Variants in EBF1 observed in about 807,000 individuals in gnomAD.
EBF1 encodes transcription factor COE1.
In EBF1, 10 loss-of-function variants were observed where a neutral mutation model predicts 68.4. The ratio of observed to expected loss-of-function variants is 0.15; its 90% CI spans 0.09 to 0.25. The LOEUF (loss-of-function observed/expected upper bound fraction) is 0.25, where lower values mean the gene tolerates loss of function less well. Among genes scored for constraint, EBF1 ranks in the 10% least tolerant of loss-of-function variants. EBF1 has a pLI of 1.00. For missense variants in EBF1, 509 were observed against 794.4 expected (o/e 0.64, Z 4.32); for synonymous variants, 298 against 299.8 (o/e 0.99, Z 0.06).
chr5:158,873,461 A>G (rs1466721862), intron 6 of EBF1, among the ~76,000 whole-genome samples: 1 of 152,136 alleles, frequency 6.6e-6, no homozygotes, highest in East Asian at 1.9e-4. Flanking sequence ...ATTTTTACCT[A>G]TAATAATATT....
Position 158,714,145 on chromosome 5 carries a change from G to A in EBF1, c.1163C>T (p.Ala388Val). ...ILKRAADLVE[A>V]LYGMPHNNQE... Reference sequence around the variant, plus strand: ...GTTGTTGTGTGGCATCCCATACAGTGCTTCTACCAGATCCGCAGCCCTTTT... The same window carrying A: ...GTTGTTGTGTGGCATCCCATACAGTACTTCTACCAGATCCGCAGCCCTTTT... The change falls in exon 12 of 16, where the codon GCA (alanine) becomes GTA (valine). Residue 388 changes from alanine to valine, a missense_variant. Around this residue, in one of 3 missense-constraint regions of EBF1, gnomAD observed 230 missense variants for 467.7 expected, o/e 0.49. Transcript: ENST00000313708. 1 of 1,614,232 alleles carries A rather than the reference G, an allele frequency of 6.2e-7. No homozygotes were observed. The highest frequency in any genetic ancestry group is 2.2e-5 in the East Asian group (1 of 44,892).
intron 6 of EBF1, among the ~76,000 whole-genome samples, chr5:158,917,293 C>T (rs1188547973): frequency 6.6e-6 from 1 of 152,222 alleles, no homozygotes; most frequent in Non-Finnish European, 1.5e-5. Flanking sequence ...TCCAAGCCTC[C>T]AGTTCCCTCA....
chr5:159,028,884 G>A (rs1181098268), intron 6 of EBF1, among the ~76,000 whole-genome samples: 1 of 152,212 alleles, frequency 6.6e-6, no homozygotes, highest in East Asian at 1.9e-4. Context: ...AACAGGTTTG[G>A]CATTTCAGAA....
At chr5:158,843,570 G>T (rs999025390) in intron 6 of EBF1, among the ~76,000 whole-genome samples, 3 of 152,206 alleles carry the variant, frequency 2.0e-5, no homozygotes, top group Non-Finnish European at 4.4e-5. Flanking sequence ...GAAATTGAAA[G>T]CTTGACCATC....
chr5:158,936,344 TG>T (rs1812014074), intron 6 of EBF1, among the ~76,000 whole-genome samples: 1 of 150,416 alleles, frequency 6.6e-6, no homozygotes, highest in African/African-American at 2.5e-5. Context: ...CAAACTCAGC[TG>T]CCACCTGCCA....
intron 10 of EBF1, among the ~76,000 whole-genome samples, chr5:158,753,070 A>G (rs1015928591): frequency 6.6e-6 from 1 of 152,104 alleles, no homozygotes; most frequent in Non-Finnish European, 1.5e-5. Context: ...TTTAGAAAAG[A>G]TGCCTTACAA....
chr5:159,014,612 C>T (rs1045780105), intron 6 of EBF1, among the ~76,000 whole-genome samples: 1 of 152,204 alleles, frequency 6.6e-6, no homozygotes, highest in African/African-American at 2.4e-5. Context: ...CCCCAAATAT[C>T]TCTTTGCTCT....
In EBF1 at chr5:158,698,519, A is replaced by AAGTT. The variant is rs1221790067; in HGVS notation, c.*588_*591dup. On this transcript the variant is annotated 3_prime_UTR_variant, in exon 16 of 16. Transcript: ENST00000313708. Reference sequence around the variant, plus strand: ...TTGCACTGCTAAGGGGTGGCATGTTAAGTTAGATATTGAAAATGCACTGTC... The same window carrying AAGTT: ...TTGCACTGCTAAGGGGTGGCATGTTAAGTTAGTTAGATATTGAAAATGCACTGTC... 22 of 220,846 alleles carry AAGTT rather than the reference A, an allele frequency of 1.0e-4. No homozygotes were observed. The highest frequency in any genetic ancestry group is 4.7e-4 in the African/African-American group (21 of 44,718). 13.7% of individuals were successfully genotyped at this position (220,846 alleles called of 1,614,324 possible).
chr5:159,051,254 C>T (rs1191751053), intron 6 of EBF1, among the ~76,000 whole-genome samples: 1 of 151,886 alleles, frequency 6.6e-6, no homozygotes, highest in Non-Finnish European at 1.5e-5. Context: ...TGAGATGTCA[C>T]GGGGAGGGCA....
Position 158,930,173 on chromosome 5 carries a change from T to C in EBF1, c.555-90063A>G, listed in dbSNP as rs1180184089. On this transcript the variant is annotated intron_variant, in intron 6 of 15. Coordinates refer to ENST00000313708, the MANE Select transcript of EBF1 (RefSeq NM_024007.5). ...AGTTAGTCAGGTGTATCTGTTACTT[T>C]TTTTTTTCCTTTGGCTGCCAATTCA... is the stretch of plus-strand genomic sequence containing the variant. 3.9e-5 allele frequency among the ~76,000 whole-genome samples: 6 copies of C among 152,318 alleles called. No homozygotes were observed. In the East Asian group the frequency reaches 9.6e-4, roughly 24 times the overall value.
At chr5:158,898,738 C>T (rs1194866841) in intron 6 of EBF1, among the ~76,000 whole-genome samples, 1 of 152,206 alleles carries the variant, frequency 6.6e-6, no homozygotes, top group Non-Finnish European at 1.5e-5. Flanking sequence ...CTCTCAGGAA[C>T]CTCGCTTTTT....
chr5:158,942,548 G>C (rs952192264), intron 6 of EBF1, among the ~76,000 whole-genome samples: 2 of 152,132 alleles, frequency 1.3e-5, no homozygotes, highest in African/African-American at 4.8e-5. Flanking sequence ...TGCTTCACTG[G>C]ACATTAGAAT....
intron 10 of EBF1, among the ~76,000 whole-genome samples, chr5:158,758,772 G>A (rs1050568568): frequency 2.0e-5 from 3 of 152,092 alleles, no homozygotes; most frequent in Admixed American, 1.3e-4. Flanking sequence ...CAAACATGGC[G>A]TGGTTATTCT....
intron 4 of EBF1, among the ~76,000 whole-genome samples, chr5:159,086,732 T>G (rs1780701267): frequency 6.6e-6 from 1 of 152,130 alleles, no homozygotes; most frequent in Admixed American, 6.6e-5. Flanking sequence ...TGAGCCAGGT[T>G]TCCCCAGGGT....
At chr5:159,096,744 G>C (rs760014345) in intron 2 of EBF1, 51 of 633,564 alleles carry the variant, frequency 8.0e-5, no homozygotes, top group Non-Finnish European at 1.2e-4. Flanking sequence ...GGATTGTAGA[G>C]CCAGGCTTGC....
intron 6 of EBF1, among the ~76,000 whole-genome samples, chr5:158,875,056 T>TATACAC (rs5872576): frequency 6.8e-6 from 1 of 147,302 alleles, no homozygotes; most frequent in Non-Finnish European, 1.5e-5. Flanking sequence ...CACACACACA[T>TATACAC]ACACACACAC....
At chr5:158,737,187 A>G (rs1259253222) in intron 10 of EBF1, among the ~76,000 whole-genome samples, 1 of 151,390 alleles carries the variant, frequency 6.6e-6, no homozygotes, top group African/African-American at 2.4e-5. Context: ...GAAGGGTGTC[A>G]AGACGAAGCC....
chr5:158,896,867 C>T (rs1802277823), intron 6 of EBF1, among the ~76,000 whole-genome samples: 2 of 152,068 alleles, frequency 1.3e-5, no homozygotes, highest in South Asian at 4.1e-4. Flanking sequence ...ACTGGTTGCC[C>T]CTACCCCTGC....
At chr5:158,850,793 G>A (rs1475633342) in intron 6 of EBF1, among the ~76,000 whole-genome samples, 2 of 152,140 alleles carry the variant, frequency 1.3e-5, no homozygotes, top group African/African-American at 4.8e-5. Flanking sequence ...GATTGCTTGA[G>A]GTCAAGAGTT....
Sources: gnomAD v4.1 joint callset for allele counts (sites outside exome capture counted in the v4.1 genomes callset) on GRCh38, gnomAD v4.1.1 for gene constraint, gnomAD v4.1.1 regional missense constraint, MANE v1.5 for transcripts, NCBI Gene and HGNC (gene_info 2026-07-23, HGNC 2026-07-21) for gene names.